Variants in ARHGEF26 observed in about 807,000 individuals in gnomAD.
ARHGEF26 encodes Rho guanine nucleotide exchange factor 26.
ARHGEF26 carries 59 observed loss-of-function variants against 89.4 expected under a neutral mutation model. The ratio of observed to expected loss-of-function variants is 0.66; its 90% CI spans 0.54 to 0.82. ARHGEF26 has a LOEUF of 0.82. ARHGEF26 is among the 40% of genes least tolerant of loss of function. ARHGEF26 has a pLI of 0.00. For synonymous variants in ARHGEF26, 500 were observed against 428.4 expected (o/e 1.17, Z -2.06); for missense variants, 1,234 against 1,085.6 (o/e 1.14, Z -1.92).
chr3:154,177,721 A>T (rs1712913880), intron 6 of ARHGEF26, among the ~76,000 whole-genome samples: 1 of 152,184 alleles, frequency 6.6e-6, no homozygotes, highest in South Asian at 2.1e-4. Context: ...ACCCTGCTAC[A>T]AGCAGAACAG....
chr3:154,251,660 C>G (rs1718156309), intron 12 of ARHGEF26, among the ~76,000 whole-genome samples: 1 of 152,086 alleles, frequency 6.6e-6, no homozygotes, highest in South Asian at 2.1e-4. Flanking sequence ...ATCAGAGGAG[C>G]CCCCACTGGA....
intron 11 of ARHGEF26, among the ~76,000 whole-genome samples, chr3:154,226,637 C>T (rs1181447044): frequency 6.9e-6 from 1 of 145,644 alleles, no homozygotes; most frequent in Non-Finnish European, 1.5e-5. Context: ...TCCAGTATTT[C>T]TTCTGTCAGA....
chr3:154,172,126 G>A (rs953779882), intron 6 of ARHGEF26, among the ~76,000 whole-genome samples: 3 of 152,176 alleles, frequency 2.0e-5, no homozygotes, highest in Non-Finnish European at 2.9e-5. Context: ...AAGCAGGTGC[G>A]ACCGGCTCAT....
chr3:154,129,899 A>G (rs144560075), intron 4 of ARHGEF26, among the ~76,000 whole-genome samples, 180 bp downstream of exon 4: 116 of 152,314 alleles, frequency 7.6e-4, no homozygotes, highest in African/African-American at 2.8e-3. Context: ...GAACTTTGAC[A>G]CTTCTGATCA....
At chr3:154,239,249 CGAGAGAGAGAGGGAGA>C (rs1280954685) in intron 11 of ARHGEF26, among the ~76,000 whole-genome samples, 8 of 63,390 alleles carry the variant, frequency 1.3e-4, no homozygotes, top group African/African-American at 5.0e-4. Context: ...TGTAAATGAC[CGAGAGAGAGAGGGAGA>C]GAGAGAGAGA....
intron 13 of ARHGEF26, 95 bp downstream of exon 13, chr3:154,253,278 C>T: frequency 1.4e-6 from 2 of 1,415,328 alleles, no homozygotes; most frequent in African/African-American, 1.4e-5. Context: ...TGCCACAATA[C>T]TTGCCTAAGT....
intron 11 of ARHGEF26, among the ~76,000 whole-genome samples, chr3:154,232,593 G>C (rs553936323): frequency 2.0e-5 from 3 of 152,190 alleles, no homozygotes; most frequent in African/African-American, 7.2e-5. Flanking sequence ...AAAATGTCAG[G>C]CAATTTAAAT....
At chr3:154,202,616 G>T (rs531989381) in intron 9 of ARHGEF26, among the ~76,000 whole-genome samples, 50 of 152,222 alleles carry the variant, frequency 3.3e-4, no homozygotes, top group African/African-American at 1.2e-3. Context: ...TCAAGATATT[G>T]ATTCTTCCTA....
At chr3:154,158,672 A>G (rs1711507872) in intron 6 of ARHGEF26, among the ~76,000 whole-genome samples, 1 of 152,150 alleles carries the variant, frequency 6.6e-6, no homozygotes, top group Admixed American at 6.5e-5. Flanking sequence ...CTATCTTAAA[A>G]GCCTGATCAT....
intron 5 of ARHGEF26, among the ~76,000 whole-genome samples, chr3:154,150,777 A>G (rs925493875): frequency 6.6e-6 from 1 of 152,114 alleles, no homozygotes; most frequent in African/African-American, 2.4e-5. Context: ...TTTAAACCTT[A>G]TATAACCTTG....
At position 154,194,637 on chromosome 3, in the gene ARHGEF26, A is replaced by G. The variant is rs1714170111; in HGVS notation, c.1771-7A>G. The G allele has an allele frequency of 6.2e-7, 1 of 1,603,744 alleles. No homozygotes were observed. The highest frequency in any genetic ancestry group is 1.1e-5 in the South Asian group (1 of 89,222). On this transcript the variant is annotated splice_polypyrimidine_tract_variant and splice_region_variant and intron_variant, in intron 8 of 14. Coordinates refer to ENST00000465093, the MANE Select transcript of ARHGEF26 (RefSeq NM_015595.4). ...AATAAATTTTGTTCACTTTTATTTC[A>G]TTACAGACTATCTGTCAAAAAACAC... is the stretch of plus-strand genomic sequence containing the variant.
At chr3:154,193,151 C>CT (rs1354434838) in intron 8 of ARHGEF26, among the ~76,000 whole-genome samples, 3 of 152,100 alleles carry the variant, frequency 2.0e-5, no homozygotes, top group Non-Finnish European at 4.4e-5. Context: ...TGGAATCCAG[C>CT]TAAGGATGCC....
chr3:154,171,193 G>T (rs1413111449), intron 6 of ARHGEF26, among the ~76,000 whole-genome samples: 1 of 152,138 alleles, frequency 6.6e-6, no homozygotes, highest in Non-Finnish European at 1.5e-5. Flanking sequence ...AGACTTGTGG[G>T]AAATATAGTT....
At chr3:154,235,043 A>G (rs1185616044) in intron 11 of ARHGEF26, among the ~76,000 whole-genome samples, 1 of 151,836 alleles carries the variant, frequency 6.6e-6, no homozygotes, top group African/African-American at 2.4e-5. Context: ...TTAATACATC[A>G]TAAGGCTAGT....
Position 154,122,314 on chromosome 3 carries a change from C to T in ARHGEF26, c.322C>T (p.Leu108Phe), listed in dbSNP as rs770114440. ...SPEYRAASPR[L>F]RRPKSPKLPK... is the part of the protein sequence containing the mutation. Reference sequence around the variant, plus strand: ...GGAGTACAGGGCTGCCTCTCCTCGACTTCGACGGCCCAAGTCACCCAAGCT... The same window carrying T: ...GGAGTACAGGGCTGCCTCTCCTCGATTTCGACGGCCCAAGTCACCCAAGCT... The change falls in exon 2 of 15, where the codon CTT (leucine) becomes TTT (phenylalanine). Residue 108 changes from leucine to phenylalanine, a missense_variant. Physicochemically the swap from Leu to Phe is conservative, Grantham distance 22. Coordinates refer to ENST00000465093, the MANE Select transcript of ARHGEF26 (RefSeq NM_015595.4). 7 of 1,612,848 alleles carry T rather than the reference C, an allele frequency of 4.3e-6. No homozygotes were observed.
intron 6 of ARHGEF26, among the ~76,000 whole-genome samples, chr3:154,167,030 T>C (rs1017093524): frequency 2.6e-5 from 4 of 152,200 alleles, no homozygotes; most frequent in Admixed American, 2.0e-4. Context: ...ACACCGAGTA[T>C]AATTTTTTAA....
intron 10 of ARHGEF26, among the ~76,000 whole-genome samples, chr3:154,220,090 A>G (rs1282222939): frequency 6.6e-6 from 1 of 152,210 alleles, no homozygotes; most frequent in Non-Finnish European, 1.5e-5. Flanking sequence ...AATTGGAAAT[A>G]CTCGTAAAAT....
chr3:154,157,015 G>T (rs1720375400), intron 6 of ARHGEF26, among the ~76,000 whole-genome samples: 1 of 152,090 alleles, frequency 6.6e-6, no homozygotes, highest in African/African-American at 2.4e-5. Flanking sequence ...CCTGTATTGT[G>T]GCTTAGGTTG....
chr3:154,250,038 C>CT (rs369136204), intron 12 of ARHGEF26, among the ~76,000 whole-genome samples: 16 of 151,214 alleles, frequency 1.1e-4, no homozygotes, highest in Admixed American at 4.0e-4. Flanking sequence ...TTAGCAGGCT[C>CT]TTTTTTTTTG....
Sources: gnomAD v4.1 joint callset for allele counts (sites outside exome capture counted in the v4.1 genomes callset) on GRCh38, gnomAD v4.1.1 for gene constraint, MANE v1.5 for transcripts, NCBI Gene and HGNC (gene_info 2026-07-23, HGNC 2026-07-21) for gene names.